XYLT1: variants seen among roughly 807,000 people sequenced by gnomAD.
The protein encoded by XYLT1 is beta-D-xylosyltransferase 1.
In XYLT1, 36 loss-of-function variants were observed where a neutral mutation model predicts 91.3. The ratio of observed to expected loss-of-function variants is 0.39; its 90% confidence interval spans 0.30 to 0.52. The LOEUF (loss-of-function observed/expected upper bound fraction) is 0.52, where lower values mean the gene tolerates loss of function less well. XYLT1 is among the 20% of genes least tolerant of loss of function. The probability of loss-of-function intolerance (pLI) is 0.68; values close to 1 mark genes in which losing one functional copy is unlikely to be tolerated. For synonymous variants in XYLT1, 588 were observed against 532.0 expected (o/e 1.11, Z -1.45); for missense variants, 1,242 against 1,284.5 (o/e 0.97, Z 0.51).
At position 17,141,111 on chromosome 16, in the gene XYLT1, C is replaced by A. The variant is rs754237234; in HGVS notation, c.1587+42G>T. On this transcript the variant is annotated intron_variant, in intron 7 of 11. Transcript: ENST00000261381. ...ATCTGCTTTGCCACAAAGGCTAGAA[C>A]AAGCCCCTATCTTTCTTGGGAAAAT... 1.0e-5 allele frequency: 16 copies of A among 1,597,128 alleles called. No homozygotes were observed. In the South Asian group the frequency reaches 1.2e-4, roughly 12 times the overall value.
chr16:17,137,725 T>G (rs2030793717), intron 8 of XYLT1: 1 of 147,602 alleles, frequency 6.8e-6, no homozygotes, highest in Non-Finnish European at 1.5e-5. Context: ...CTCTTCTTAC[T>G]CCTTCAAGTA....
chr16:17,371,185 T>C (rs1213579657), intron 1 of XYLT1, among the ~76,000 whole-genome samples: 3 of 152,240 alleles, frequency 2.0e-5, no homozygotes, highest in African/African-American at 7.2e-5. Context: ...CTCCCATGGA[T>C]AGGGGTGAGA....
chr16:17,251,026 C>A (rs2033529975), intron 3 of XYLT1: 1 of 152,252 alleles, frequency 6.6e-6, no homozygotes, highest in Non-Finnish European at 1.5e-5. Context: ...TTTCCCTCCA[C>A]TGCGGCTGTC....
intron 6 of XYLT1, among the ~76,000 whole-genome samples, chr16:17,145,940 A>T (rs184903137): frequency 5.3e-5 from 8 of 152,262 alleles, no homozygotes; most frequent in Non-Finnish European, 1.0e-4. Context: ...CTTTATTCTC[A>T]CTACAACACA....
In XYLT1 at chr16:17,273,472, C is replaced by T. The variant is rs370598452; in HGVS notation, c.403-13974G>A. On this transcript the variant is annotated intron_variant, in intron 2 of 11. Transcript: ENST00000261381. Reference sequence around the variant, plus strand: ...TGGGAACGTGTTAGATGTGCAGAATCTCAGGCCCCAGCCTGGACCACAGGA... The same window carrying T: ...TGGGAACGTGTTAGATGTGCAGAATTTCAGGCCCCAGCCTGGACCACAGGA... Among the ~76,000 whole-genome samples, 26 of 152,348 alleles carry T rather than the reference C, an allele frequency of 1.7e-4. No homozygotes were observed. The East Asian group carries it at 2.9e-3, about 17-fold the overall frequency.
At chr16:17,386,473 G>T (rs946945530) in intron 1 of XYLT1, among the ~76,000 whole-genome samples, 2 of 152,194 alleles carry the variant, frequency 1.3e-5, no homozygotes, top group African/African-American at 4.8e-5. Context: ...CTTGTTTATG[G>T]ATTACTAGAT....
intron 9 of XYLT1, 76 bp from the exon 10 acceptor site, chr16:17,127,937 G>A: frequency 6.9e-7 from 1 of 1,439,936 alleles, no homozygotes; most frequent in East Asian, 2.3e-5. Context: ...CACCAAGCTA[G>A]TTTTGTTCCT....
intron 10 of XYLT1, among the ~76,000 whole-genome samples, chr16:17,124,783 T>C (rs1286095647): frequency 8.7e-6 from 1 of 114,544 alleles, no homozygotes; most frequent in Non-Finnish European, 2.0e-5. Context: ...GAAGGCTTTG[T>C]TCATTTTTTA....
intron 9 of XYLT1, among the ~76,000 whole-genome samples, chr16:17,129,087 A>C (rs1277201633): frequency 1.3e-5 from 2 of 149,720 alleles, no homozygotes; most frequent in African/African-American, 5.0e-5. Context: ...AAAAAAAAAA[A>C]AAAAAAAAAA....
rs1014527246 is a variant in XYLT1 at position 17,101,882 on chromosome 16, A to G, written c.*6813T>C. On this transcript the variant is annotated 3_prime_UTR_variant, in exon 12 of 12. Coordinates refer to ENST00000261381, the MANE Select transcript of XYLT1 (RefSeq NM_022166.4). ...ACATGGTCACAGCTAAGAGCAAGGC[A>G]GTCTGGGAAATGTAGTCTCTGTGGT... The G allele has an allele frequency of 2.6e-5, 4 of 152,244 alleles. No homozygotes were observed. Among genetic ancestry groups the G allele is most frequent in the African/African-American group, 7.2e-5 (3 of 41,452 alleles). The allele number at this position is 152,244 out of a possible 1,614,324, so 9.4% of individuals were successfully genotyped here.
rs1032845603 is a variant in XYLT1 at position 17,163,876 on chromosome 16, C to A, written c.1290-4967G>T. ...CCAGCCTGACCAACATGGTGAAACC[C>A]CGTCTCTACTAAAAATACAAAAATT... On this transcript the variant is annotated intron_variant, in intron 5 of 11. Transcript: ENST00000261381. 9.9e-5 allele frequency among the ~76,000 whole-genome samples: 15 copies of A among 151,658 alleles called. 1 individual carries two copies. Among genetic ancestry groups the A allele is most frequent in the Admixed American group, 3.3e-4 (5 of 15,232 alleles).
chr16:17,374,642 GAA>G (rs10622995), intron 1 of XYLT1, among the ~76,000 whole-genome samples: 1 of 144,392 alleles, frequency 6.9e-6, no homozygotes, highest in Non-Finnish European at 1.5e-5. Flanking sequence ...ATTACAGACA[GAA>G]AAAAAAAAAC....
At chr16:17,390,349 G>A (rs1567185418) in intron 1 of XYLT1, among the ~76,000 whole-genome samples, 1 of 152,202 alleles carries the variant, frequency 6.6e-6, no homozygotes, top group Non-Finnish European at 1.5e-5. Context: ...ATACTTCGGG[G>A]TGGGGAGTGG....
intron 1 of XYLT1, among the ~76,000 whole-genome samples, chr16:17,444,323 A>G (rs188242434): frequency 8.2e-4 from 125 of 152,034 alleles, no homozygotes; most frequent in Middle Eastern, 6.8e-3. Context: ...GAGTATAGGG[A>G]CCTTTTCTAT....
At chr16:17,390,549 T>C (rs2035803793) in intron 1 of XYLT1, among the ~76,000 whole-genome samples, 1 of 152,170 alleles carries the variant, frequency 6.6e-6, no homozygotes, top group Non-Finnish European at 1.5e-5. Context: ...GTGAGAAAAT[T>C]ATGACAGTGA....
chr16:17,334,150 G>C (rs189762525), intron 2 of XYLT1, among the ~76,000 whole-genome samples: 22 of 152,304 alleles, frequency 1.4e-4, no homozygotes, highest in Admixed American at 2.6e-4. Context: ...CTGGCACCTT[G>C]ATCTTGGACT....
intron 3 of XYLT1, among the ~76,000 whole-genome samples, chr16:17,255,773 C>T (rs2033621188): frequency 6.6e-6 from 1 of 151,968 alleles, no homozygotes; most frequent in African/African-American, 2.4e-5. Context: ...TTTGGGAGGC[C>T]GAGGTGTGTG....
chr16:17,424,875 A>T (rs1321460717), intron 1 of XYLT1, among the ~76,000 whole-genome samples: 2 of 151,540 alleles, frequency 1.3e-5, no homozygotes. Context: ...CTCAAAAAAA[A>T]AAAAAAAAAA....
chr16:17,266,346 A>G (rs2033803950), intron 2 of XYLT1, among the ~76,000 whole-genome samples: 1 of 152,216 alleles, frequency 6.6e-6, no homozygotes, highest in Non-Finnish European at 1.5e-5. Context: ...TGACACGTCC[A>G]AAGTGCTTAA....
Sources: allele counts gnomAD v4.1 joint callset (sites outside exome capture counted in the v4.1 genomes callset), GRCh38; gene constraint gnomAD v4.1.1; transcripts MANE v1.5; gene names NCBI Gene and HGNC (gene_info 2026-07-23, HGNC 2026-07-21).